The following SAMMSON variants were observed in gnomAD, a reference collection of about 807,000 sequenced individuals.
The protein encoded by SAMMSON is long intergenic non-protein coding RNA 1212.
rs191465385 is a variant in SAMMSON, at chr3:70,293,114, C to T, written n.739+1871C>T. 2.0e-5 allele frequency among the ~76,000 whole-genome samples: 3 copies of T among 148,680 alleles called. No individual in the cohort carries two copies. In the East Asian group the frequency reaches 5.9e-4, roughly 29 times the overall value. On this transcript the variant is annotated intron_variant and non_coding_transcript_variant, in intron 7 of 9. Transcript: ENST00000642114. ...GAGAAGAAAGAAAATTCAGTATTCA[C>T]CAACTGCTGCTCTCCCTCCAGCTTT...
intron 3 of SAMMSON, among the ~76,000 whole-genome samples, chr3:70,026,164 T>A (rs2107582297): frequency 6.6e-6 from 1 of 152,308 alleles, no homozygotes; most frequent in Non-Finnish European, 1.5e-5. Context: ...GCTAAGTTAT[T>A]TTATGAAATG....
At chr3:70,222,882 A>T (rs963890038) in intron 4 of SAMMSON, among the ~76,000 whole-genome samples, 1 of 152,192 alleles carries the variant, frequency 6.6e-6, no homozygotes, top group Non-Finnish European at 1.5e-5. Context: ...GTCAAGGTCA[A>T]TCTGAGAGGA....
intron 4 of SAMMSON, among the ~76,000 whole-genome samples, chr3:70,213,913 G>A (rs1701377325): frequency 6.6e-6 from 1 of 152,004 alleles, no homozygotes; most frequent in Admixed American, 6.6e-5. Flanking sequence ...ACAAAATTAG[G>A]AAGAGGAAGA....
intron 6 of SAMMSON, among the ~76,000 whole-genome samples, chr3:70,265,242 T>A (rs185951977): frequency 6.2e-4 from 95 of 152,222 alleles, no homozygotes; most frequent in South Asian, 6.2e-3. Context: ...TAAATCATAT[T>A]TAAGTTGAGA....
intron 3 of SAMMSON, among the ~76,000 whole-genome samples, chr3:70,023,200 T>A (rs1023030401): frequency 1.3e-5 from 2 of 152,092 alleles, no homozygotes; most frequent in African/African-American, 4.8e-5. Flanking sequence ...CTCACGTCTG[T>A]AATCCCAGCA....
intron 3 of SAMMSON, among the ~76,000 whole-genome samples, chr3:70,020,430 T>G (rs745593097): frequency 1.3e-5 from 2 of 152,170 alleles, no homozygotes; most frequent in Non-Finnish European, 2.9e-5. Context: ...TGCACTGATT[T>G]TCTTCTATTA....
At chr3:70,039,910 T>TA (rs1255220140) in intron 3 of SAMMSON, among the ~76,000 whole-genome samples, 3 of 152,134 alleles carry the variant, frequency 2.0e-5, no homozygotes, top group African/African-American at 7.2e-5. Context: ...AGCATGGAAT[T>TA]AAATTTATTT....
chr3:70,324,376 A>C (rs1162137321), intron 7 of SAMMSON, among the ~76,000 whole-genome samples: 1 of 152,066 alleles, frequency 6.6e-6, no homozygotes, highest in Non-Finnish European at 1.5e-5. Flanking sequence ...ACCATAGCTT[A>C]ACTAGCCTGA....
At chr3:70,238,072 C>T (rs1701629943) in intron 4 of SAMMSON, among the ~76,000 whole-genome samples, 1 of 124,934 alleles carries the variant, frequency 8.0e-6, no homozygotes, top group Non-Finnish European at 1.6e-5. Flanking sequence ...ATTCTTTATA[C>T]CTTGAGTGGA....
chr3:70,071,356 A>G (rs1259424512), intron 3 of SAMMSON: 1 of 152,116 alleles, frequency 6.6e-6, no homozygotes, highest in Non-Finnish European at 1.5e-5. Context: ...ATTATGTTCT[A>G]TGAACCGAAA....
intron 4 of SAMMSON, among the ~76,000 whole-genome samples, chr3:70,215,019 T>G (rs1168946176): frequency 6.6e-6 from 1 of 152,138 alleles, no homozygotes; most frequent in African/African-American, 2.4e-5. Context: ...TCAATTTTTT[T>G]ACTATCAGTG....
intron 7 of SAMMSON, among the ~76,000 whole-genome samples, chr3:70,342,609 A>C (rs556613831): frequency 6.6e-6 from 1 of 152,266 alleles, no homozygotes; most frequent in South Asian, 2.1e-4. Context: ...TTTCCAATGG[A>C]ATCCCAAGTG....
chr3:70,125,855 G>T (rs1056116822), intron 4 of SAMMSON: 72 of 674,296 alleles, frequency 1.1e-4, no homozygotes, highest in Middle Eastern at 2.7e-4. Flanking sequence ...TTCATTTTCT[G>T]TTGGTCCTCA....
intron 4 of SAMMSON, among the ~76,000 whole-genome samples, chr3:70,231,962 G>C (rs1701563767): frequency 6.6e-6 from 1 of 152,158 alleles, no homozygotes; most frequent in East Asian, 1.9e-4. Context: ...CAGTTGTTCA[G>C]TGTTGGGAGC....
intron 4 of SAMMSON, among the ~76,000 whole-genome samples, chr3:70,155,950 A>C (rs2067590427): frequency 6.6e-6 from 1 of 152,060 alleles, no homozygotes; most frequent in African/African-American, 2.4e-5. Flanking sequence ...TCTAAGCAGC[A>C]CTCAAGGGTT....
chr3:70,365,984 T>C lies in SAMMSON; in HGVS notation n.913+7660T>C, dbSNP rs1279684458. ...CTTTACCTTTTCTTTTTTTTTTTTT[T>C]TTTTTTTTTTTTTTTTTGAGACGGA... On this transcript the variant is annotated intron_variant and non_coding_transcript_variant, in intron 9 of 9. Transcript: ENST00000642114. 5.0e-5 allele frequency among the ~76,000 whole-genome samples: 2 copies of C among 40,004 alleles called. 1 individual carries two copies. The highest frequency in any genetic ancestry group is 1.1e-4 in the Non-Finnish European group (2 of 18,254). The allele number at this position is 40,004 out of a possible 152,430, so 26.2% of individuals were successfully genotyped here. A position where few individuals can be genotyped will look rare whatever the true frequency, so the allele number is the denominator to read the frequency against.
intron 4 of SAMMSON, among the ~76,000 whole-genome samples, chr3:70,177,817 T>C (rs1042856771): frequency 6.6e-6 from 1 of 152,162 alleles, no homozygotes; most frequent in Non-Finnish European, 1.5e-5. Context: ...AAATATGCCT[T>C]CTCAAGTGTC....
At chr3:70,117,916 T>C (rs574670473) in intron 4 of SAMMSON, among the ~76,000 whole-genome samples, 1 of 152,170 alleles carries the variant, frequency 6.6e-6, no homozygotes, top group Non-Finnish European at 1.5e-5. Context: ...AATTTAATTT[T>C]ATTTATTTAT....
chr3:70,105,849 C>T (rs964675904), intron 4 of SAMMSON, among the ~76,000 whole-genome samples: 2 of 152,098 alleles, frequency 1.3e-5, no homozygotes, highest in African/African-American at 2.4e-5. Flanking sequence ...CTTGAACACT[C>T]GAATCAAACA....
Sources: gnomAD v4.1 joint callset for allele counts (sites outside exome capture counted in the v4.1 genomes callset) on GRCh38, gnomAD v4.1.1 for gene constraint, MANE v1.5 for transcripts, NCBI Gene and HGNC (gene_info 2026-07-23, HGNC 2026-07-21) for gene names.